TERF2: variants seen among roughly 807,000 people sequenced by gnomAD.
TERF2 encodes telomeric repeat binding factor 2.
TERF2 carries 16 observed loss-of-function variants against 56.1 expected under a neutral mutation model. The observed-to-expected ratio is 0.29, with a 90% confidence interval of 0.19 to 0.43. The LOEUF is 0.43. Ranked by LOEUF, TERF2 falls within the 20% of genes least tolerant of loss-of-function variation. The pLI, the probability that TERF2 is intolerant of heterozygous loss-of-function variation, is 1.00. For missense variants in TERF2, 547 were observed against 712.9 expected, an observed-to-expected ratio of 0.77 and a Z score of 2.65; for synonymous variants, 296 against 282.1, an observed-to-expected ratio of 1.05 and a Z score of -0.50.
At chr16:69,369,713 C>T (rs141644256) in intron 5 of TERF2, among the ~76,000 whole-genome samples, 63 of 152,360 alleles carry the variant, frequency 4.1e-4, no homozygotes, top group African/African-American at 1.3e-3. Context: ...CTGAGCCTCA[C>T]TGCTTCCATT....
chr16:69,379,315 T>G (rs937364000), intron 3 of TERF2, among the ~76,000 whole-genome samples: 1 of 152,152 alleles, frequency 6.6e-6, no homozygotes, highest in African/African-American at 2.4e-5. Flanking sequence ...TCTAACAGAG[T>G]GTATCTGATA....
rs2012918608 is a variant in TERF2, at chr16:69,356,756, CGCCACTGCACTCCA to C, written c.*128_*141del. The stretch of plus-strand genomic sequence containing the variant: ...CGGAGGTCGCAGTGAGCCGAGATCA[CGCCACTGCACTCCA>C]GCCTGGGTGACAGAGCGAGACTCTG... On this transcript the variant is annotated 3_prime_UTR_variant, in exon 10 of 10. Transcript: ENST00000254942. 9.8e-6 allele frequency: 9 copies of C among 915,862 alleles called. No individual in the cohort carries two copies. The highest frequency in any genetic ancestry group is 3.3e-5 in the Admixed American group (1 of 30,318). The allele number at this position is 915,862 out of a possible 1,614,324, so 56.7% of individuals were successfully genotyped here. A position where few individuals can be genotyped will look rare whatever the true frequency, so the allele number is the denominator to read the frequency against.
At chr16:69,365,945 G>A (rs920158720) in intron 7 of TERF2, 2 of 152,258 alleles carry the variant, frequency 1.3e-5, no homozygotes, top group Non-Finnish European at 2.9e-5. Context: ...TTTTAGCTGT[G>A]TGACTTCAGG....
intron 2 of TERF2, among the ~76,000 whole-genome samples, chr16:69,385,130 A>G (rs2014143131): frequency 6.6e-6 from 1 of 152,124 alleles, no homozygotes; most frequent in South Asian, 2.1e-4. Context: ...AACATAACTC[A>G]CTTTAGACAG....
At chr16:69,366,484 C>A in intron 7 of TERF2, 1 of 301,388 alleles carries the variant, frequency 3.3e-6, no homozygotes, top group Non-Finnish European at 6.2e-6. Flanking sequence ...AAACAAATTT[C>A]TTTTAACACA....
Position 69,357,756 on chromosome 16 carries a change from C to A in TERF2, c.1427-195G>T, listed in dbSNP as rs9925538. On this transcript the variant is annotated intron_variant, in intron 8 of 9. Transcript: ENST00000254942. ...CACCAGTCACTTCAGCCTATGAGAACCTGTACAATGCAAGTGCTTTACAAA... is the reference window on the plus strand; with the variant it reads ...CACCAGTCACTTCAGCCTATGAGAAACTGTACAATGCAAGTGCTTTACAAA... 0.019 allele frequency among the ~76,000 whole-genome samples: 2,845 copies of A among 152,208 alleles called. 97 individuals carry two copies. Among genetic ancestry groups the A allele is most frequent in the African/African-American group, 0.065 (2,684 of 41,498 alleles).
chr16:69,378,743 T>C (rs2013885866), intron 3 of TERF2, among the ~76,000 whole-genome samples: 1 of 152,196 alleles, frequency 6.6e-6, no homozygotes, highest in Non-Finnish European at 1.5e-5. Flanking sequence ...CTCCATGCAT[T>C]CTGTCCAAGA....
At chr16:69,367,456 C>T (rs954252609) in intron 6 of TERF2, among the ~76,000 whole-genome samples, 3 of 152,072 alleles carry the variant, frequency 2.0e-5, no homozygotes, top group Non-Finnish European at 4.4e-5. Context: ...GGCACAAACA[C>T]AGCTCACTGT....
intron 6 of TERF2, 116 bp downstream of exon 6, chr16:69,368,260 C>T (rs1046333525): frequency 1.2e-5 from 11 of 924,150 alleles, no homozygotes; most frequent in African/African-American, 3.3e-5. Context: ...TGAGTAACCT[C>T]GTAACACGTT....
intron 3 of TERF2, among the ~76,000 whole-genome samples, chr16:69,381,536 A>G (rs2014001448): frequency 6.6e-6 from 1 of 151,148 alleles, no homozygotes; most frequent in Admixed American, 6.6e-5. Flanking sequence ...GCTCGAGTAC[A>G]GAGGTATGAT....
chr16:69,372,078 T>C (rs557472162), intron 4 of TERF2, among the ~76,000 whole-genome samples, 191 bp downstream of exon 4: 1 of 152,344 alleles, frequency 6.6e-6, no homozygotes, highest in East Asian at 1.9e-4. Flanking sequence ...ATTTCTCTAA[T>C]AAAAACTAAA....
At chr16:69,379,189 G>A (rs2013905533) in intron 3 of TERF2, among the ~76,000 whole-genome samples, 1 of 152,176 alleles carries the variant, frequency 6.6e-6, no homozygotes, top group African/African-American at 2.4e-5. Flanking sequence ...AAGAGAAGAA[G>A]ACCAAACTCA....
intron 7 of TERF2, among the ~76,000 whole-genome samples, chr16:69,362,301 C>T (rs943509189): frequency 2.0e-5 from 3 of 152,008 alleles, no homozygotes; most frequent in Non-Finnish European, 4.4e-5. Flanking sequence ...CTCAGTGAAG[C>T]CTCCTCTAAC....
At chr16:69,370,061 TG>T (rs1483243407) in intron 5 of TERF2, 1 of 183,156 alleles carries the variant, frequency 5.5e-6, no homozygotes, top group Non-Finnish European at 1.1e-5. Flanking sequence ...GACGGAGTCT[TG>T]CTCTGTTGTC....
chr16:69,361,364 G>A (rs763449634), intron 8 of TERF2, 40 bp downstream of exon 8: 1 of 1,403,810 alleles, frequency 7.1e-7, no homozygotes, highest in Non-Finnish European at 1.0e-6. Context: ...CTGTACTTCA[G>A]CAAGCATCAA....
intron 2 of TERF2, among the ~76,000 whole-genome samples, chr16:69,385,180 T>A (rs8061382): frequency 0.028 from 4,278 of 151,882 alleles, 91 homozygotes; most frequent in Admixed American, 0.038. Context: ...TGGGAGAAGA[T>A]TTAAAAAAAA....
Position 69,366,991 on chromosome 16 carries a change from C to T in TERF2, c.1156G>A (p.Gly386Ser), listed in dbSNP as rs746521053. 1.3e-5 allele frequency: 21 copies of T among 1,614,106 alleles called. No homozygotes were observed. In the South Asian group the frequency reaches 1.9e-4, roughly 14 times the overall value. Residue 386 changes from glycine (G) to serine (S), a missense_variant, in exon 7 of 10, where the codon GGT becomes AGT. Coordinates refer to ENST00000254942, the MANE Select transcript of TERF2 (RefSeq NM_005652.5). ...GGCTGCAGTTCCGAGCCACCCTCAC[C>T]GTCAGCCGGGGCTGAACTTTCGTTT... ...DENESSAPAD[G>S]EGGSELQPKN...
chr16:69,369,262 TAAG>T (rs1392780863), intron 5 of TERF2, among the ~76,000 whole-genome samples: 5 of 152,318 alleles, frequency 3.3e-5, no homozygotes, highest in African/African-American at 9.6e-5. Context: ...AAACGACTGC[TAAG>T]ATCATGGACA....
At chr16:69,365,108 C>T (rs1255059709) in intron 7 of TERF2, 1 of 152,242 alleles carries the variant, frequency 6.6e-6, no homozygotes, top group Non-Finnish European at 1.5e-5. Flanking sequence ...ATGTCTGAAA[C>T]CTTCACAAAT....
Sources: gnomAD v4.1 joint callset for allele counts (sites outside exome capture counted in the v4.1 genomes callset) on GRCh38, gnomAD v4.1.1 for gene constraint, MANE v1.5 for transcripts, NCBI Gene and HGNC (gene_info 2026-07-23, HGNC 2026-07-21) for gene names.